CDH13: variants seen among roughly 807,000 people sequenced by gnomAD.
CDH13 encodes the protein cadherin 13, also known as cadherin-13.
A neutral mutation model predicts 63.8 loss-of-function variants in CDH13; 24 were observed. That is an observed-to-expected ratio of 0.38 (90% confidence interval 0.27 to 0.53). CDH13 has a LOEUF of 0.53. Among genes scored for constraint, CDH13 ranks in the 20% least tolerant of loss-of-function variants. The pLI, the probability that CDH13 is intolerant of heterozygous loss-of-function variation, is 0.85. For synonymous variants in CDH13, 503 were observed against 355.3 expected (o/e 1.42, Z -4.67); for missense variants, 1,049 against 903.1 (o/e 1.16, Z -2.07).
At chr16:82,753,769 C>G (rs1269581444) in intron 1 of CDH13, among the ~76,000 whole-genome samples, 1 of 152,178 alleles carries the variant, frequency 6.6e-6, no homozygotes. Flanking sequence ...ACTCCACAAT[C>G]CATGGGGCCC....
At chr16:82,669,133 A>G (rs1445909495) in intron 1 of CDH13, among the ~76,000 whole-genome samples, 1 of 152,202 alleles carries the variant, frequency 6.6e-6, no homozygotes, top group African/African-American at 2.4e-5. Flanking sequence ...GGTATGAGCA[A>G]TGCTGCCCAA....
chr16:83,354,089 T>G (rs2151378408), intron 6 of CDH13, among the ~76,000 whole-genome samples: 1 of 152,372 alleles, frequency 6.6e-6, no homozygotes, highest in Non-Finnish European at 1.5e-5. Context: ...TTCTACAGTC[T>G]TTTGAAAAGA....
intron 6 of CDH13, among the ~76,000 whole-genome samples, chr16:83,460,437 G>A (rs2073146065): frequency 6.6e-6 from 1 of 152,172 alleles, no homozygotes; most frequent in Admixed American, 6.5e-5. Context: ...ACTCCTAGAA[G>A]CATTTCTAGC....
intron 9 of CDH13, among the ~76,000 whole-genome samples, chr16:83,674,226 C>T (rs767113283): frequency 6.6e-6 from 1 of 152,140 alleles, no homozygotes; most frequent in African/African-American, 2.4e-5. Flanking sequence ...TGAAGGTAGG[C>T]CAGTCCAGGA....
intron 3 of CDH13, among the ~76,000 whole-genome samples, chr16:83,111,041 G>A (rs1331336914): frequency 6.6e-6 from 1 of 150,718 alleles, no homozygotes; most frequent in Admixed American, 6.6e-5. Flanking sequence ...GCGTGGTGTC[G>A]GGTGCCTGTA....
chr16:82,666,922 T>A (rs16958056), intron 1 of CDH13, among the ~76,000 whole-genome samples: 1 of 152,102 alleles, frequency 6.6e-6, no homozygotes, highest in Non-Finnish European at 1.5e-5. Context: ...AGAGAAATGA[T>A]GTAAAATGCA....
At chr16:83,202,284 G>A (rs1431134496) in intron 4 of CDH13, among the ~76,000 whole-genome samples, 2 of 152,152 alleles carry the variant, frequency 1.3e-5, no homozygotes, top group East Asian at 3.9e-4. Flanking sequence ...TGGGGAAAAC[G>A]GCTGCAAAAT....
intron 1 of CDH13, among the ~76,000 whole-genome samples, chr16:82,745,456 T>C (rs1001684294): frequency 1.3e-5 from 2 of 151,992 alleles, no homozygotes; most frequent in African/African-American, 2.4e-5. Flanking sequence ...TACAAAAAAT[T>C]AGCCGGGCAT....
intron 4 of CDH13, among the ~76,000 whole-genome samples, chr16:83,204,729 A>T (rs1025109251): frequency 2.6e-5 from 4 of 152,194 alleles, no homozygotes; most frequent in Non-Finnish European, 5.9e-5. Context: ...CAGTTGATCA[A>T]AAAAACAAAA....
chr16:83,363,985 T>C (rs2091211727), intron 6 of CDH13, among the ~76,000 whole-genome samples: 3 of 152,162 alleles, frequency 2.0e-5, no homozygotes, highest in Non-Finnish European at 4.4e-5. Context: ...ATGACATTAA[T>C]ACTTCTTGAA....
At chr16:83,081,709 GAGAGAGAGAGAA>G (rs1383079655) in intron 3 of CDH13, among the ~76,000 whole-genome samples, 3 of 151,990 alleles carry the variant, frequency 2.0e-5, no homozygotes, top group African/African-American at 7.2e-5. Context: ...GAGAGAGAAA[GAGAGAGAGAGAA>G]AGAGCTCGCA....
intron 6 of CDH13, among the ~76,000 whole-genome samples, chr16:83,394,268 G>T (rs1043587189): frequency 6.6e-6 from 1 of 151,812 alleles, no homozygotes; most frequent in African/African-American, 2.4e-5. Context: ...AAACAAAAAA[G>T]AGTGAACAGT....
chr16:83,367,447 T>A (rs1369277447), intron 6 of CDH13, among the ~76,000 whole-genome samples: 3 of 152,246 alleles, frequency 2.0e-5, no homozygotes, highest in Non-Finnish European at 4.4e-5. Flanking sequence ...ATAATGCTGC[T>A]CTGAACATTT....
intron 4 of CDH13, chr16:83,180,823 A>T: frequency 7.5e-7 from 1 of 1,339,208 alleles, no homozygotes; most frequent in Non-Finnish European, 1.0e-6. Flanking sequence ...TGGCTTGTTT[A>T]TTTTAATCCC....
chr16:83,486,675 CTTTCTT>C lies in CDH13; in HGVS notation c.960+25_960+30del, dbSNP rs1567705800. 6.2e-7 allele frequency: 1 copy of C among 1,606,346 alleles called. No homozygotes were observed. Among genetic ancestry groups the C allele is most frequent in the African/African-American group, 1.3e-5 (1 of 74,786 alleles). ...CGAGAGGTGAGCTGAAAAGAATACA[CTTTCTT>C]TTTCACGAGAATAGAATGTGGCTTT... On this transcript the variant is annotated intron_variant, in intron 7 of 13. Coordinates refer to ENST00000567109, the MANE Select transcript of CDH13 (RefSeq NM_001257.5).
At chr16:83,349,688 C>A (rs2090911505) in intron 6 of CDH13, among the ~76,000 whole-genome samples, 1 of 151,992 alleles carries the variant, frequency 6.6e-6, no homozygotes, top group Non-Finnish European at 1.5e-5. Flanking sequence ...GCAACCTGTG[C>A]CTCCTGCATT....
chr16:83,259,804 C>T (rs1259662092), intron 5 of CDH13, among the ~76,000 whole-genome samples: 2 of 152,116 alleles, frequency 1.3e-5, no homozygotes, highest in African/African-American at 4.8e-5. Flanking sequence ...GTATCCATGG[C>T]AGCTTACCTA....
intron 2 of CDH13, among the ~76,000 whole-genome samples, chr16:82,927,095 G>A (rs2042327686): frequency 6.6e-6 from 1 of 152,020 alleles, no homozygotes. Context: ...TCTGGCTGTT[G>A]GCCACAGTAT....
At chr16:82,716,446 A>G (rs6565060) in intron 1 of CDH13, among the ~76,000 whole-genome samples, 14,253 of 151,714 alleles carry the variant, frequency 0.094, 803 homozygotes, top group African/African-American at 0.14. Context: ...CTAAATTTAG[A>G]TAAGTCACAA....
Sources: gnomAD v4.1 joint callset for allele counts (sites outside exome capture counted in the v4.1 genomes callset) on GRCh38, gnomAD v4.1.1 for gene constraint, MANE v1.5 for transcripts, NCBI Gene and HGNC (gene_info 2026-07-23, HGNC 2026-07-21) for gene names.